The following PCDHA4 variants were observed in gnomAD, a reference collection of about 807,000 sequenced individuals.
PCDHA4 encodes protocadherin alpha 4.
PCDHA4 carries 49 observed loss-of-function variants against 61.4 expected under a neutral mutation model. That is an observed-to-expected ratio of 0.80 (90% CI 0.63 to 1.01). PCDHA4 has a LOEUF of 1.01. Among genes scored for constraint, PCDHA4 ranks in the 50% least tolerant of loss-of-function variants. The pLI is 0.00. For synonymous variants in PCDHA4, 590 were observed against 550.3 expected, an observed-to-expected ratio of 1.07 and a Z score of -1.01; for missense variants, 1,254 against 1,235.8, an observed-to-expected ratio of 1.01 and a Z score of -0.22.
intron 1 of PCDHA4, chr5:140,828,505 A>C (rs2150156185): frequency 6.2e-7 from 1 of 1,614,210 alleles, no homozygotes; most frequent in South Asian, 1.1e-5. Context: ...TAGAGGAACA[A>C]AGAGTGCTGA....
At chr5:140,988,989 G>C (rs981946293) in intron 3 of PCDHA4, 1 of 152,184 alleles carries the variant, frequency 6.6e-6, no homozygotes, top group Admixed American at 6.5e-5. Flanking sequence ...CTAATGCAGG[G>C]TAAGGAAATA....
intron 1 of PCDHA4, chr5:140,969,516 A>G: frequency 1.4e-6 from 2 of 1,410,726 alleles, no homozygotes; most frequent in Non-Finnish European, 1.9e-6. Flanking sequence ...GCACTAAAGA[A>G]TTGTTTTATT....
At chr5:140,954,526 G>A (rs2095049912) in intron 1 of PCDHA4, among the ~76,000 whole-genome samples, 1 of 152,184 alleles carries the variant, frequency 6.6e-6, no homozygotes, top group Admixed American at 6.5e-5. Flanking sequence ...GATCAGTGAT[G>A]TTGAGGTTTT....
At chr5:140,821,693 AT>A (rs1199376177) in intron 1 of PCDHA4, 3 of 1,399,368 alleles carry the variant, frequency 2.1e-6, no homozygotes, top group Admixed American at 4.5e-5. Flanking sequence ...AATATAAAAA[AT>A]ATATAGTTAA....
Position 140,842,785 on chromosome 5 carries a change from G to C in PCDHA4, c.2385+33213G>C, listed in dbSNP as rs2150344223. On this transcript the variant is annotated intron_variant, in intron 1 of 3. Coordinates refer to ENST00000530339, the MANE Select transcript of PCDHA4 (RefSeq NM_018907.4). ...GAGACGCGGACGCGCAGGAGAACGC[G>C]CTGGTGTCCTACTCGCTTGTGGAGC... 6.5e-5 allele frequency: 103 copies of C among 1,594,472 alleles called. 8 individuals carry two copies. Among genetic ancestry groups the C allele is most frequent in the South Asian group, 4.4e-4 (40 of 90,456 alleles).
At chr5:140,907,720 C>T (rs1554193113) in intron 1 of PCDHA4, among the ~76,000 whole-genome samples, 1 of 152,208 alleles carries the variant, frequency 6.6e-6, no homozygotes, top group Non-Finnish European at 1.5e-5. Context: ...CATGTGTAAC[C>T]TCCATCCCTG....
chr5:141,000,279 G>A (rs528257063), intron 3 of PCDHA4, among the ~76,000 whole-genome samples: 60 of 151,092 alleles, frequency 4.0e-4, no homozygotes, highest in Middle Eastern at 3.4e-3. Context: ...GGAGGCAGAG[G>A]TGGGAATATT....
intron 3 of PCDHA4, chr5:140,988,920 AACAAC>A (rs1245893791): frequency 6.6e-6 from 1 of 152,174 alleles, no homozygotes; most frequent in Non-Finnish European, 1.5e-5. Context: ...AGGAGAATAG[AACAAC>A]ACTGTTCTCT....
chr5:140,853,989 C>T (rs2042932367), intron 1 of PCDHA4: 1 of 494,686 alleles, frequency 2.0e-6, no homozygotes, highest in Non-Finnish European at 2.7e-6. Context: ...TGTAGTGAGA[C>T]TCATCTCTGC....
intron 1 of PCDHA4, chr5:140,967,531 T>C (rs1399482021): frequency 3.7e-6 from 6 of 1,613,104 alleles, no homozygotes; most frequent in Non-Finnish European, 4.2e-6. Context: ...ACAACTCTCC[T>C]GCCTTTGACC....
At chr5:140,877,375 C>G (rs782650940) in intron 1 of PCDHA4, 1 of 1,614,006 alleles carries the variant, frequency 6.2e-7, no homozygotes, top group Admixed American at 1.7e-5. Flanking sequence ...CAGCACGACA[C>G]GCATCCTGGA....
rs564801749 is a variant in PCDHA4, at chr5:140,919,703, A to G, written c.2386-59246A>G. Among the ~76,000 whole-genome samples the G allele has an allele frequency of 6.4e-4, 98 of 152,318 alleles. No individual in the cohort carries two copies. In the South Asian group the frequency reaches 0.011, roughly 16 times the overall value. ...TCTGCTTCAGATTTATATTAACTTA[A>G]TTCTAGTGAGATATAAATATGTTAC... On this transcript the variant is annotated intron_variant, in intron 1 of 3. Transcript: ENST00000530339.
intron 1 of PCDHA4, chr5:140,876,781 G>A: frequency 6.2e-7 from 1 of 1,614,240 alleles, no homozygotes; most frequent in Non-Finnish European, 8.5e-7. Flanking sequence ...TTCGCTGTGG[G>A]CCACGGCTAG....
chr5:140,963,680 T>G (rs1482854996), intron 1 of PCDHA4, among the ~76,000 whole-genome samples: 1 of 152,238 alleles, frequency 6.6e-6, no homozygotes, highest in African/African-American at 2.4e-5. Context: ...TTAAATGTGT[T>G]TATCCGTGTT....
At chr5:140,967,823 G>A in intron 1 of PCDHA4, 2 of 1,614,162 alleles carry the variant, frequency 1.2e-6, no homozygotes, top group Non-Finnish European at 8.5e-7. Context: ...CAAGGTGCTG[G>A]TGGACATCGT....
rs141030691 is a variant in PCDHA4 at position 140,807,594 on chromosome 5, C to T, written c.407C>T (p.Thr136Ile). Residue 136 changes from threonine to isoleucine, a missense_variant, in exon 1 of 4, where the codon ACA becomes ATA. By Grantham distance (89) the Thr-to-Ile change is moderately conservative. Coordinates refer to ENST00000530339, the MANE Select transcript of PCDHA4 (RefSeq NM_018907.4). ...GATAACCCGCCGGTGTTCCCAGCAA[C>T]ACAAAAGAACCTGTCCATCGCGGAA... Reference protein sequence around the residue: ...INDNPPVFPATQKNLSIAESR... With the variant: ...INDNPPVFPAIQKNLSIAESR... 2 of 1,614,174 alleles carry T rather than the reference C, an allele frequency of 1.2e-6. No individual in the cohort carries two copies. The highest frequency in any genetic ancestry group is 8.5e-7 in the Non-Finnish European group (1 of 1,180,040).
In PCDHA4 at chr5:140,839,228, G is replaced by C. The variant is rs773394985; in HGVS notation, c.2385+29656G>C. ...ACCTTCAAAGATGTAACTGTAATCT[G>C]TTTTTATTGCTTTGCTTTTATGCTT... On this transcript the variant is annotated intron_variant, in intron 1 of 3. Coordinates refer to ENST00000530339, the MANE Select transcript of PCDHA4 (RefSeq NM_018907.4). Among the ~76,000 whole-genome samples the C allele has an allele frequency of 4.0e-5, 6 of 151,740 alleles. 1 individual carries two copies. Among genetic ancestry groups the C allele is most frequent in the Non-Finnish European group, 8.8e-5 (6 of 67,928 alleles).
intron 1 of PCDHA4, among the ~76,000 whole-genome samples, chr5:140,930,807 A>G (rs2087132034): frequency 6.6e-6 from 1 of 152,206 alleles, no homozygotes; most frequent in Non-Finnish European, 1.5e-5. Flanking sequence ...AGCATATAAG[A>G]TATGCTTAGT....
chr5:140,870,224 C>T, intron 1 of PCDHA4: 1 of 1,614,184 alleles, frequency 6.2e-7, no homozygotes, highest in Admixed American at 1.7e-5. Flanking sequence ...ATCAGCGTGT[C>T]TGACCGTGAC....
Sources: gnomAD v4.1 joint callset for allele counts (sites outside exome capture counted in the v4.1 genomes callset) on GRCh38, gnomAD v4.1.1 for gene constraint, MANE v1.5 for transcripts, NCBI Gene and HGNC (gene_info 2026-07-23, HGNC 2026-07-21) for gene names.